ADCY5: variants seen among roughly 807,000 people sequenced by gnomAD.
ADCY5 encodes the protein adenylate cyclase type 5.
In ADCY5, 30 loss-of-function variants were observed where a neutral mutation model predicts 119.7. The ratio of observed to expected loss-of-function variants is 0.25; its 90% CI spans 0.19 to 0.34. The LOEUF (loss-of-function observed/expected upper bound fraction) is 0.34, where lower values mean the gene tolerates loss of function less well. Ranked by LOEUF, ADCY5 falls within the 10% of genes least tolerant of loss-of-function variation. The pLI is 1.00. For synonymous variants in ADCY5, 753 were observed against 762.2 expected, an observed-to-expected ratio of 0.99 and a Z score of 0.20; for missense variants, 1,324 against 1,775.2, an observed-to-expected ratio of 0.75 and a Z score of 4.57.
At chr3:123,383,141 G>A (rs1376983111) in intron 1 of ADCY5, among the ~76,000 whole-genome samples, 2 of 152,086 alleles carry the variant, frequency 1.3e-5, no homozygotes, top group African/African-American at 4.8e-5. Context: ...CCCCGTCCTG[G>A]TAGGGGTGAG....
At chr3:123,412,132 C>T (rs561745372) in intron 1 of ADCY5, among the ~76,000 whole-genome samples, 88 of 152,316 alleles carry the variant, frequency 5.8e-4, no homozygotes, top group Non-Finnish European at 8.4e-4. Flanking sequence ...GAAGAGACAG[C>T]AGGAGGGAAC....
intron 1 of ADCY5, among the ~76,000 whole-genome samples, chr3:123,424,452 G>T (rs1254419440): frequency 6.6e-6 from 1 of 152,200 alleles, no homozygotes; most frequent in Non-Finnish European, 1.5e-5. Flanking sequence ...CTAGCAGGGG[G>T]TGCTCAGAGG....
intron 20 of ADCY5, among the ~76,000 whole-genome samples, chr3:123,285,732 G>A (rs1405982118): frequency 6.6e-6 from 1 of 152,148 alleles, no homozygotes; most frequent in Admixed American, 6.5e-5. Context: ...TGGAAGCCTT[G>A]GAAACACACA....
chr3:123,343,774 G>A (rs75195356), intron 3 of ADCY5, among the ~76,000 whole-genome samples: 1 of 152,172 alleles, frequency 6.6e-6, no homozygotes, highest in Non-Finnish European at 1.5e-5. Context: ...TATCTGGGGT[G>A]GGGGAGGACA....
At chr3:123,414,942 G>A (rs1945150999) in intron 1 of ADCY5, among the ~76,000 whole-genome samples, 1 of 152,172 alleles carries the variant, frequency 6.6e-6, no homozygotes, top group South Asian at 2.1e-4. Flanking sequence ...ACCTGCCCAA[G>A]GTTGCACAGG....
chr3:123,297,153 G>A, intron 16 of ADCY5, 200 bp downstream of exon 16: 1 of 1,399,712 alleles, frequency 7.1e-7, no homozygotes. Flanking sequence ...ACCTTGGCAG[G>A]GATCATGAAA....
rs552145803 is a variant in ADCY5 at position 123,384,241 on chromosome 3, C to T, written c.1135-31660G>A. 1.5e-3 allele frequency among the ~76,000 whole-genome samples: 234 copies of T among 152,334 alleles called. 4 individuals are homozygous for T. The highest frequency in any genetic ancestry group is 5.7e-4 in the Non-Finnish European group (39 of 68,034). On this transcript the variant is annotated intron_variant, in intron 1 of 20. Coordinates refer to ENST00000462833, the MANE Select transcript of ADCY5 (RefSeq NM_183357.3). Reference sequence around the variant, plus strand: ...ATAAACAGCCTTTAGCTCACAAGTACAGGTGGGACCTGCTGTCCCCTCTGA... The same window carrying T: ...ATAAACAGCCTTTAGCTCACAAGTATAGGTGGGACCTGCTGTCCCCTCTGA...
At chr3:123,393,645 ATG>A (rs1944460007) in intron 1 of ADCY5, among the ~76,000 whole-genome samples, 1 of 151,888 alleles carries the variant, frequency 6.6e-6, no homozygotes, top group African/African-American at 2.4e-5. Context: ...AAGAGATAAC[ATG>A]TGCAAAGTGC....
chr3:123,297,730 G>C (rs1158973250), intron 15 of ADCY5, among the ~76,000 whole-genome samples: 1 of 152,216 alleles, frequency 6.6e-6, no homozygotes, highest in South Asian at 2.1e-4. Context: ...CCACAGCTGC[G>C]CTGCTTGGTG....
intron 1 of ADCY5, among the ~76,000 whole-genome samples, chr3:123,408,655 A>T (rs1422499637): frequency 9.5e-6 from 1 of 104,982 alleles, no homozygotes; most frequent in Non-Finnish European, 2.0e-5. Flanking sequence ...GATTGCATCT[A>T]AAAAAAAAAA....
chr3:123,364,284 T>C (rs1412899938), intron 1 of ADCY5, among the ~76,000 whole-genome samples: 5 of 152,308 alleles, frequency 3.3e-5, no homozygotes, highest in South Asian at 4.1e-4. Flanking sequence ...GGCTGAAGAA[T>C]CTTCTCTTCT....
intron 20 of ADCY5, among the ~76,000 whole-genome samples, chr3:123,285,836 C>T (rs1938716147): frequency 6.6e-6 from 1 of 152,222 alleles, no homozygotes; most frequent in Non-Finnish European, 1.5e-5. Flanking sequence ...CCAGGCCCCT[C>T]GGCCAGCATC....
At chr3:123,344,131 A>T (rs1559822947) in intron 3 of ADCY5, among the ~76,000 whole-genome samples, 1 of 151,728 alleles carries the variant, frequency 6.6e-6, no homozygotes, top group Non-Finnish European at 1.5e-5. Flanking sequence ...TCCAAGACAA[A>T]CTCTTTTCCC....
rs57503913 is a variant in ADCY5, at chr3:123,439,076, C to CTTTTTTTT, written c.1134+8328_1134+8335dup. On this transcript the variant is annotated intron_variant, in intron 1 of 20. Transcript: ENST00000462833. ...CCCACTGTGCCCAGACCCTAAAGTG[C>CTTTTTTTT]TTTTTTTTTTGAGATGGAGTCTCGC... Among the ~76,000 whole-genome samples the CTTTTTTTT allele has an allele frequency of 5.7e-4, 37 of 64,734 alleles. 8 individuals are homozygous for CTTTTTTTT. The highest frequency in any genetic ancestry group is 2.3e-3 in the African/African-American group (35 of 15,426). 42.5% of individuals were successfully genotyped at this position (64,734 alleles called of 152,430 possible).
intron 1 of ADCY5, among the ~76,000 whole-genome samples, chr3:123,409,923 C>G (rs1016321953): frequency 6.6e-6 from 1 of 152,218 alleles, no homozygotes; most frequent in Non-Finnish European, 1.5e-5. Context: ...TGCCCTCTCT[C>G]GTCACCAGCC....
At chr3:123,404,683 C>T (rs758899467) in intron 1 of ADCY5, 4 of 152,212 alleles carry the variant, frequency 2.6e-5, no homozygotes, top group African/African-American at 9.7e-5. Context: ...AGCTCCCAGC[C>T]GCAGGGGCTC....
chr3:123,314,931 C>T (rs115490905), intron 11 of ADCY5, among the ~76,000 whole-genome samples: 7 of 151,774 alleles, frequency 4.6e-5, no homozygotes, highest in African/African-American at 9.7e-5. Context: ...TTTTGCTCCT[C>T]GATTCCTAGC....
At chr3:123,378,108 T>C (rs567161852) in intron 1 of ADCY5, among the ~76,000 whole-genome samples, 227 of 152,310 alleles carry the variant, frequency 1.5e-3, no homozygotes, top group African/African-American at 5.3e-3. Flanking sequence ...AGCAGTCGCC[T>C]GCTCTCATTC....
intron 18 of ADCY5, 131 bp downstream of exon 18, chr3:123,290,982 G>A (rs1331728068): frequency 4.8e-6 from 6 of 1,254,564 alleles, no homozygotes; most frequent in Non-Finnish European, 6.5e-6. Flanking sequence ...GTTCCCGCCG[G>A]CAGAGCTCCC....
Sources: gnomAD v4.1 joint callset for allele counts (sites outside exome capture counted in the v4.1 genomes callset) on GRCh38, gnomAD v4.1.1 for gene constraint, MANE v1.5 for transcripts, NCBI Gene and HGNC (gene_info 2026-07-23, HGNC 2026-07-21) for gene names.